The following GYS1 variants were observed in gnomAD, a reference collection of about 807,000 sequenced individuals.
The protein encoded by GYS1 is glycogen synthase 1.
A neutral mutation model predicts 89.1 loss-of-function variants in GYS1; 60 were observed. That is an observed-to-expected ratio of 0.67 (90% CI 0.55 to 0.84). The LOEUF (loss-of-function observed/expected upper bound fraction) is 0.84. Among genes scored for constraint, GYS1 ranks in the 40% least tolerant of loss-of-function variants. The pLI, the probability that GYS1 is intolerant of heterozygous loss-of-function variation, is 0.00. For synonymous variants in GYS1, 366 were observed against 401.7 expected (o/e 0.91, Z 1.06); for missense variants, 888 against 1,003.1 (o/e 0.89, Z 1.55).
chr19:48,976,348 C>G (rs879775741), intron 10 of GYS1, among the ~76,000 whole-genome samples: 187 of 152,196 alleles, frequency 1.2e-3, no homozygotes, highest in Non-Finnish European at 2.0e-3. Flanking sequence ...CTCTAACTCC[C>G]AGAAGCCTCT....
chr19:48,970,520 A>G (rs772645668), intron 14 of GYS1, 26 bp downstream of exon 14: 3 of 1,607,736 alleles, frequency 1.9e-6, no homozygotes, highest in Non-Finnish European at 2.6e-6. Flanking sequence ...ATTTGCCAGG[A>G]GAGGATAGGA....
intron 8 of GYS1, 110 bp from the exon 9 acceptor site, chr19:48,978,267 C>T (rs750518239): frequency 1.0e-6 from 1 of 968,496 alleles, no homozygotes; most frequent in East Asian, 2.4e-5. Context: ...CTCTTGTTGC[C>T]CAGGCTGGAA....
In GYS1 at chr19:48,969,299, C is replaced by G. The variant is rs546920953; in HGVS notation, c.2203G>C (p.Glu735Gln). 5.1e-6 allele frequency: 8 copies of G among 1,559,196 alleles called. No homozygotes were observed. The East Asian group carries it at 9.5e-5, about 18-fold the overall frequency. Residue 735 changes from glutamate (E) to glutamine (Q), a missense_variant, in exon 16 of 16, where the codon GAG becomes CAG. By Grantham distance (29) the Glu-to-Gln change is conservative. Transcript: ENST00000323798. ...GTGGTGGGGCGGACTTAGTTACGCT[C>G]CTCGCCCAGGGAGCTGGTGGGGCTG... ...PLSPTSSLGE[E>Q]RN
At chr19:48,987,411 T>G in intron 2 of GYS1, 26 bp from the exon 3 acceptor site, 1 of 1,543,606 alleles carries the variant, frequency 6.5e-7, no homozygotes, top group Non-Finnish European at 8.8e-7. Flanking sequence ...GGAGGCACCA[T>G]AGGGAGGCTC....
In GYS1 at chr19:48,969,481, C is replaced by T. The variant is rs779582211; in HGVS notation, c.2021G>A (p.Arg674His). Residue 674 changes from arginine to histidine, a missense_variant, in exon 16 of 16, where the codon CGC becomes CAC. Coordinates refer to ENST00000323798, the MANE Select transcript of GYS1 (RefSeq NM_002103.5). ...RNGPLEEDGE[R>H]YDEDEEAAKD... ...GGCGGCCTCCTCGTCCTCATCGTAG[C>T]GCTCGCCGTCTTCCTCCAGCGGCCC... 2.6e-6 allele frequency: 4 copies of T among 1,545,030 alleles called. No homozygotes were observed. Among genetic ancestry groups the T allele is most frequent in the Admixed American group, 2.0e-5 (1 of 50,982 alleles).
chr19:48,986,737 T>G, intron 3 of GYS1, among the ~76,000 whole-genome samples: 1 of 152,106 alleles, frequency 6.6e-6, no homozygotes, highest in East Asian at 1.9e-4. Flanking sequence ...CCTCACGTGA[T>G]CTTCCCCCAT....
intron 8 of GYS1, chr19:48,981,288 C>T (rs929458137): frequency 4.0e-6 from 2 of 497,120 alleles, no homozygotes; most frequent in African/African-American, 3.9e-5. Flanking sequence ...TGGTGTGCAC[C>T]TGTAGTCCCA....
chr19:48,970,859 CCTTCCCAGGATCCAGGAGTCACT>C (rs2038553858), intron 13 of GYS1, 46 bp downstream of exon 13: 18 of 1,447,648 alleles, frequency 1.2e-5, no homozygotes, highest in Non-Finnish European at 1.2e-5. Flanking sequence ...GCAAGCTCCT[CCTTCCCAGGATCCAGGAGTCACT>C]GTTCTCAAGC....
At chr19:48,989,764 C>T (rs1312478524) in intron 2 of GYS1, among the ~76,000 whole-genome samples, 1 of 152,260 alleles carries the variant, frequency 6.6e-6, no homozygotes, top group Non-Finnish European at 1.5e-5. Context: ...TCTGTCCGTG[C>T]CCCAGGGCTG....
In GYS1 at chr19:48,970,911, G is replaced by T; in HGVS notation, c.1645+17C>A. ...CTCAAGCCCCCTTCCAGAATCCTCAGGGGCCTGGGCGCTGACCGTAAGCTG... is the reference window on the plus strand; with the variant it reads ...CTCAAGCCCCCTTCCAGAATCCTCATGGGCCTGGGCGCTGACCGTAAGCTG... On this transcript the variant is annotated intron_variant, in intron 13 of 15. Transcript: ENST00000323798. The T allele has an allele frequency of 6.3e-7, 1 of 1,597,576 alleles. No homozygotes were observed. The highest frequency in any genetic ancestry group is 8.6e-7 in the Non-Finnish European group (1 of 1,164,952).
In GYS1 at chr19:48,992,977, G is replaced by A. The variant is rs776546579; in HGVS notation, c.118+18C>T. On this transcript the variant is annotated intron_variant, in intron 1 of 15. Transcript: ENST00000323798. The stretch of plus-strand genomic sequence containing the variant: ...TACTGTCCTTCTCGTCAAGGGCCCC[G>A]ACGCCTGGCGTGCTCACCCTTGTTA... 2.8e-6 allele frequency: 4 copies of A among 1,439,260 alleles called. No individual in the cohort carries two copies. Among genetic ancestry groups the A allele is most frequent in the Non-Finnish European group, 3.9e-6 (4 of 1,020,686 alleles). 89.2% of individuals were successfully genotyped at this position (1,439,260 alleles called of 1,614,324 possible). A position where few individuals can be genotyped will look rare whatever the true frequency, so the allele number is the denominator to read the frequency against.
At chr19:48,972,270 G>A (rs1316095207) in intron 12 of GYS1, among the ~76,000 whole-genome samples, 5 of 151,720 alleles carry the variant, frequency 3.3e-5, no homozygotes, top group South Asian at 2.1e-4. Flanking sequence ...CCCGGGAGGC[G>A]GTTGCAGTGA....
chr19:48,970,004 T>G (rs1028305203), intron 14 of GYS1, 149 bp from the exon 15 acceptor site: 1 of 656,262 alleles, frequency 1.5e-6, no homozygotes, highest in Non-Finnish European at 2.8e-6. Flanking sequence ...CCACCCCTTA[T>G]GTAGATAAGC....
At position 48,969,540 on chromosome 19, in the gene GYS1, C is replaced by A. The variant is rs1274965475; in HGVS notation, c.1962G>T (p.Pro654=). ...PSPSLSRHSS[P]HQSEDEEDPR... ...GATCCTCCTCGTCCTCACTCTGGTG[C>A]GGGCTGGAGTGTCGTGACAGCGAGG... The change falls in exon 16 of 16, where the codon CCG becomes CCT. Residue 654 remains proline, a synonymous_variant. Transcript: ENST00000323798. The A allele has an allele frequency of 1.9e-6, 3 of 1,541,482 alleles. No homozygotes were observed. Among genetic ancestry groups the A allele is most frequent in the Middle Eastern group, 2.1e-4 (1 of 4,724 alleles).
intron 10 of GYS1, 100 bp downstream of exon 10, chr19:48,977,824 G>T: frequency 2.3e-6 from 2 of 867,818 alleles, no homozygotes; most frequent in African/African-American, 1.6e-5. Flanking sequence ...GCAGGAGAAA[G>T]CAGGACTCCC....
chr19:48,974,765 T>C (rs763645797), intron 10 of GYS1, 32 bp from the exon 11 acceptor site: 4 of 1,458,500 alleles, frequency 2.7e-6, no homozygotes, highest in East Asian at 2.3e-5. Flanking sequence ...TAAGGGGTCA[T>C]GGAAGGGACA....
intron 5 of GYS1, among the ~76,000 whole-genome samples, chr19:48,984,542 C>A (rs1027549402): frequency 1.3e-5 from 2 of 151,238 alleles, no homozygotes; most frequent in African/African-American, 2.4e-5. Flanking sequence ...ATTACAGGCA[C>A]CCACCACCAC....
chr19:48,985,962 C>G lies in GYS1; in HGVS notation c.566G>C (p.Cys189Ser). 1 of 1,614,204 alleles carries G rather than the reference C, an allele frequency of 6.2e-7. No homozygotes were observed. Reference protein sequence around the residue: ...FHEWLAGVGLCLCRARRLPVA... With the variant: ...FHEWLAGVGLSLCRARRLPVA... ...AGGCAGTCGCCGGGCACGACACAGG[C>G]AGAGTCCAACGCCTGCCAACCACTC... Residue 189 changes from cysteine to serine, a missense_variant, in exon 4 of 16, where the codon TGC (cysteine) becomes TCC (serine). Physicochemically the swap from Cys to Ser is moderately radical, Grantham distance 112. Transcript: ENST00000323798.
chr19:48,992,706 C>A (rs1303924534), intron 1 of GYS1, among the ~76,000 whole-genome samples: 1 of 152,138 alleles, frequency 6.6e-6, no homozygotes, highest in African/African-American at 2.4e-5. Context: ...TGTTCAGGAC[C>A]CAGGTATCTA....
Sources: allele counts gnomAD v4.1 joint callset (sites outside exome capture counted in the v4.1 genomes callset), GRCh38; gene constraint gnomAD v4.1.1; transcripts MANE v1.5; gene names NCBI Gene and HGNC (gene_info 2026-07-23, HGNC 2026-07-21).